FLI1: variants seen among roughly 807,000 people sequenced by gnomAD.
FLI1 encodes Friend leukemia integration 1 transcription factor.
In FLI1, 13 loss-of-function variants were observed where a neutral mutation model predicts 53.1. The observed-to-expected ratio is 0.24, with a 90% CI of 0.16 to 0.39. FLI1 has a LOEUF of 0.39. Among genes scored for constraint, FLI1 ranks in the 10% least tolerant of loss-of-function variants. The probability of loss-of-function intolerance (pLI) is 1.00; values close to 1 mark genes in which losing one functional copy is unlikely to be tolerated. For missense variants in FLI1, 424 were observed against 600.5 expected, an observed-to-expected ratio of 0.71 and a Z score of 3.07; for synonymous variants, 244 against 236.7, an observed-to-expected ratio of 1.03 and a Z score of -0.28.
chr11:128,797,971 A>G (rs1284740578), intron 5 of FLI1, among the ~76,000 whole-genome samples: 2 of 152,170 alleles, frequency 1.3e-5, no homozygotes, highest in African/African-American at 4.8e-5. Context: ...AATGTTACGC[A>G]GACCCAAGAG....
chr11:128,735,668 A>G (rs1167920830), intron 1 of FLI1, among the ~76,000 whole-genome samples: 1 of 152,222 alleles, frequency 6.6e-6, no homozygotes, highest in Non-Finnish European at 1.5e-5. Flanking sequence ...TGTGTGACCC[A>G]TGATGGCCTA....
In FLI1 at chr11:128,810,313, GA is replaced by G; in HGVS notation, c.830-144del. The G allele has an allele frequency of 3.9e-6, 3 of 759,670 alleles. No individual in the cohort carries two copies. The highest frequency in any genetic ancestry group is 6.2e-6 in the Non-Finnish European group (3 of 481,168). The allele number at this position is 759,670 out of a possible 1,614,324, so 47.1% of individuals were successfully genotyped here. ...GAAAGGCAAATCAACAATGACATAA[GA>G]AGGGCTTGTCAAGTCGATCCCAATG... On this transcript the variant is annotated intron_variant, in intron 8 of 8. Transcript: ENST00000527786. This position sits in a 1 kb window ranked among gnomAD's most constrained non-coding sequence, Gnocchi z 6.6.
chr11:128,722,442 G>T (rs1007002597), intron 1 of FLI1, among the ~76,000 whole-genome samples: 3 of 152,330 alleles, frequency 2.0e-5, no homozygotes, highest in Admixed American at 2.0e-4. Context: ...GCCAGAGGTG[G>T]CCCTCACAAT....
chr11:128,782,417 G>T (rs543577497), intron 5 of FLI1, among the ~76,000 whole-genome samples: 4 of 152,074 alleles, frequency 2.6e-5, no homozygotes, highest in Non-Finnish European at 4.4e-5. Context: ...TTTAGCAGCC[G>T]GTCATGCTGG....
At chr11:128,796,951 G>T (rs1165848757) in intron 5 of FLI1, among the ~76,000 whole-genome samples, 1 of 152,212 alleles carries the variant, frequency 6.6e-6, no homozygotes, top group Non-Finnish European at 1.5e-5. Flanking sequence ...CTCCAGCCTG[G>T]GGGACAAGAG....
Position 128,781,995 on chromosome 11 carries a change from C to T in FLI1, c.627C>T (p.Asp209=), listed in dbSNP as rs768967434. The change falls in exon 5 of 9, where the codon GAC becomes GAT. Residue 209 remains aspartate (D), a synonymous_variant. Coordinates refer to ENST00000527786, the MANE Select transcript of FLI1 (RefSeq NM_002017.5). The part of the protein sequence containing the change: ...LLAYNTTSHT[D]QSSRLSVKED... ...CCTATAATACAACCTCCCACACCGA[C>T]CAATCCTCACGATTGAGTGTCAAAG... 6.8e-6 allele frequency: 11 copies of T among 1,613,836 alleles called. No individual in the cohort carries two copies. The highest frequency in any genetic ancestry group is 5.0e-5 in the Admixed American group (3 of 60,012).
intron 1 of FLI1, among the ~76,000 whole-genome samples, chr11:128,688,353 G>A (rs1453774549): frequency 6.6e-6 from 1 of 152,234 alleles, no homozygotes; most frequent in African/African-American, 2.4e-5. Flanking sequence ...GTGGAAAAAT[G>A]GATTTTTCAG....
chr11:128,804,254 T>C (rs1942714401), intron 5 of FLI1: 1 of 152,218 alleles, frequency 6.6e-6, no homozygotes, highest in African/African-American at 2.4e-5. Context: ...CATGGTTGTG[T>C]TTCACCCCGT....
chr11:128,799,041 T>TC, intron 5 of FLI1, among the ~76,000 whole-genome samples: 1 of 135,560 alleles, frequency 7.4e-6, no homozygotes, highest in East Asian at 2.0e-4. Flanking sequence ...ATTATTATTA[T>TC]TATTATTATT....
intron 1 of FLI1, chr11:128,686,872 A>C (rs1006735076): frequency 5.9e-6 from 1 of 170,516 alleles, no homozygotes; most frequent in Non-Finnish European, 1.3e-5. Context: ...AGAGTGGCAC[A>C]GACCCTCGGG....
chr11:128,788,645 T>G (rs1299200354), intron 5 of FLI1, among the ~76,000 whole-genome samples: 1 of 152,148 alleles, frequency 6.6e-6, no homozygotes, highest in African/African-American at 2.4e-5. Context: ...TCCAAATCCC[T>G]TATAGAACAG....
At chr11:128,750,464 C>T (rs1181749396) in intron 1 of FLI1, among the ~76,000 whole-genome samples, 1 of 152,216 alleles carries the variant, frequency 6.6e-6, no homozygotes, top group Non-Finnish European at 1.5e-5. Context: ...TGGCATTTTT[C>T]CTCCTCTAAC....
rs1565484810 is a variant in FLI1, at chr11:128,758,103, C to CT, written c.19-11dup. The CT allele has an allele frequency of 6.2e-7, 1 of 1,606,308 alleles. No individual in the cohort carries two copies. Among genetic ancestry groups the CT allele is most frequent in the Admixed American group, 1.7e-5 (1 of 59,222 alleles). ...TGACACTGGGCTTTCTGTCTCTTCT[C>CT]TGGCCCTGCAGGAGGCTCTGTCGGT... On this transcript the variant is annotated splice_polypyrimidine_tract_variant and intron_variant, in intron 1 of 8. Coordinates refer to ENST00000527786, the MANE Select transcript of FLI1 (RefSeq NM_002017.5).
intron 1 of FLI1, among the ~76,000 whole-genome samples, chr11:128,696,508 T>C (rs915049927): frequency 1.3e-5 from 2 of 152,190 alleles, no homozygotes; most frequent in Non-Finnish European, 2.9e-5. Context: ...TTAAGCCTGT[T>C]TGAGATTCAT....
chr11:128,766,999 G>A (rs1174519005), intron 2 of FLI1, among the ~76,000 whole-genome samples: 2 of 152,052 alleles, frequency 1.3e-5, no homozygotes, highest in African/African-American at 4.8e-5. Flanking sequence ...CTGCTGGAGT[G>A]GCTGAGCAGC....
At chr11:128,685,708 CAAAAAAAAAAAA>C (rs5795633), upstream of FLI1, among the ~76,000 whole-genome samples, 12 of 57,620 alleles carry the variant, frequency 2.1e-4, no homozygotes, top group East Asian at 5.6e-4. Context: ...CTTGAGGAGC[CAAAAAAAAAAAA>C]AAAAAAAAAA....
chr11:128,791,924 C>T (rs1024098438), intron 5 of FLI1, among the ~76,000 whole-genome samples: 25 of 152,304 alleles, frequency 1.6e-4, no homozygotes, highest in African/African-American at 1.7e-4. Flanking sequence ...GCTGAGGACA[C>T]GCCAAGCCGA....
intron 1 of FLI1, among the ~76,000 whole-genome samples, chr11:128,739,617 G>A (rs1283471755): frequency 6.6e-6 from 1 of 152,132 alleles, no homozygotes; most frequent in African/African-American, 2.4e-5. Context: ...AGTGGTGTGG[G>A]CAGGGGGAGC....
At chr11:128,696,318 G>T (rs1232226578) in intron 1 of FLI1, among the ~76,000 whole-genome samples, 2 of 152,182 alleles carry the variant, frequency 1.3e-5, no homozygotes, top group Non-Finnish European at 2.9e-5. Context: ...TGAGCCTTTA[G>T]TGTGTGTGTT....
Sources: gnomAD v4.1 joint callset for allele counts (sites outside exome capture counted in the v4.1 genomes callset) on GRCh38, gnomAD v4.1.1 for gene constraint, Gnocchi (gnomAD v3.1) non-coding constraint, MANE v1.5 for transcripts, NCBI Gene and HGNC (gene_info 2026-07-23, HGNC 2026-07-21) for gene names.